The following CYP2C18 variants were observed in gnomAD, a reference collection of about 807,000 sequenced individuals.
The protein encoded by CYP2C18 is cytochrome P450 family 2 subfamily C member 18, also known as cytochrome P450 2C18.
In CYP2C18, 38 loss-of-function variants were observed where a neutral mutation model predicts 41.3. The observed-to-expected ratio is 0.92, with a 90% CI of 0.71 to 1.21. The LOEUF is 1.21. Among genes scored for constraint, CYP2C18 ranks in the 50% most tolerant of loss-of-function variants. The pLI is 0.00. For missense variants in CYP2C18, 635 were observed against 591.4 expected (o/e 1.07, Z -0.77); for synonymous variants, 236 against 210.0 (o/e 1.12, Z -1.07).
chr10:94,706,282 T>A (rs987489869), intron 4 of CYP2C18, among the ~76,000 whole-genome samples: 3 of 152,190 alleles, frequency 2.0e-5, no homozygotes, highest in African/African-American at 7.2e-5. Context: ...GTATGGGTAC[T>A]TATCCATAAA....
At chr10:94,705,103 A>G (rs1298946510) in intron 4 of CYP2C18, among the ~76,000 whole-genome samples, 1 of 152,194 alleles carries the variant, frequency 6.6e-6, no homozygotes. Flanking sequence ...ATCACTGCCA[A>G]GCTGATGAGG....
In CYP2C18 at chr10:94,688,283, C is replaced by CTTT; in HGVS notation, c.481+17_481+19dup. 6.8e-7 allele frequency: 1 copy of CTTT among 1,478,882 alleles called. No homozygotes were observed. The highest frequency in any genetic ancestry group is 9.1e-7 in the Non-Finnish European group (1 of 1,098,868). 91.6% of individuals were successfully genotyped at this position (1,478,882 alleles called of 1,614,324 possible). A position where few individuals can be genotyped will look rare whatever the true frequency, so the allele number is the denominator to read the frequency against. On this transcript the variant is annotated intron_variant, in intron 3 of 8. Coordinates refer to ENST00000285979, the MANE Select transcript of CYP2C18 (RefSeq NM_000772.3). ...GTTGAGAAAAACCAATGGTGGGTGA[C>CTTT]TTTTTTTTTTCCTGAAAAATGTTTT...
chr10:94,727,970 A>G (rs965635791), intron 7 of CYP2C18, among the ~76,000 whole-genome samples: 12 of 152,282 alleles, frequency 7.9e-5, no homozygotes, highest in Admixed American at 7.2e-4. Flanking sequence ...AGGAATTATT[A>G]TCAATACATT....
intron 3 of CYP2C18, among the ~76,000 whole-genome samples, chr10:94,691,789 G>A (rs965868415): frequency 1.2e-4 from 18 of 152,210 alleles, no homozygotes; most frequent in South Asian, 4.1e-4. Flanking sequence ...CAAGGCTACA[G>A]TAACCAAAAC....
At chr10:94,723,099 G>A (rs1847674362) in intron 6 of CYP2C18, among the ~76,000 whole-genome samples, 1 of 152,162 alleles carries the variant, frequency 6.6e-6, no homozygotes, top group African/African-American at 2.4e-5. Flanking sequence ...AATGGCATTA[G>A]AATTCTCAAG....
Position 94,735,298 on chromosome 10 carries a change from A to T in CYP2C18, c.1327A>T (p.Met443Leu). 2 of 1,613,662 alleles carry T rather than the reference A, an allele frequency of 1.2e-6. No homozygotes were observed. Among genetic ancestry groups the T allele is most frequent in the Non-Finnish European group, 1.7e-6 (2 of 1,179,708 alleles). Residue 443 changes from methionine (M) to leucine (L), a missense_variant, in exon 9 of 9, where the codon ATG becomes TTG. Physicochemically the swap from Met to Leu is conservative, Grantham distance 15. Coordinates refer to ENST00000285979, the MANE Select transcript of CYP2C18 (RefSeq NM_000772.3). ...GTGTATGGGAGAGGGCCTGGCCCGC[A>T]TGGAGCTGTTTTTATTCCTGACCAC... ...RMCMGEGLAR[M>L]ELFLFLTTIL...
Position 94,735,247 on chromosome 10 carries a change from T to A in CYP2C18, c.1292-16T>A, listed in dbSNP as rs767036051. 3.1e-6 allele frequency: 5 copies of A among 1,612,510 alleles called. No homozygotes were observed. In the South Asian group the frequency reaches 3.3e-5, roughly 11 times the overall value. ...TAATGTTCAAGGAACAAATCCCCTA[T>A]GTCTCTTATTTTCAGGAAAACGGAT... is the stretch of plus-strand genomic sequence containing the variant. On this transcript the variant is annotated splice_polypyrimidine_tract_variant and intron_variant, in intron 8 of 8. Coordinates refer to ENST00000285979, the MANE Select transcript of CYP2C18 (RefSeq NM_000772.3).
intron 4 of CYP2C18, among the ~76,000 whole-genome samples, chr10:94,706,160 C>T (rs1847339287): frequency 6.6e-6 from 1 of 152,116 alleles, no homozygotes; most frequent in South Asian, 2.1e-4. Context: ...GTGTATGAAC[C>T]ATTAAAAAAT....
intron 4 of CYP2C18, among the ~76,000 whole-genome samples, chr10:94,703,792 C>T (rs1219616049): frequency 6.6e-6 from 1 of 152,154 alleles, no homozygotes; most frequent in Non-Finnish European, 1.5e-5. Flanking sequence ...GAAAAAAAGA[C>T]TTTTGTAGCT....
At chr10:94,724,988 G>T (rs954448440) in intron 7 of CYP2C18, among the ~76,000 whole-genome samples, 1 of 150,744 alleles carries the variant, frequency 6.6e-6, no homozygotes, top group South Asian at 2.1e-4. Flanking sequence ...GTAATGTTTT[G>T]TCTTCAGTTC....
chr10:94,727,981 A>T (rs1847771923), intron 7 of CYP2C18, among the ~76,000 whole-genome samples: 1 of 152,176 alleles, frequency 6.6e-6, no homozygotes, highest in Non-Finnish European at 1.5e-5. Flanking sequence ...TCAATACATT[A>T]ATATTATCTA....
intron 5 of CYP2C18, among the ~76,000 whole-genome samples, chr10:94,717,528 G>A (rs1442886290): frequency 6.6e-6 from 1 of 152,098 alleles, no homozygotes; most frequent in African/African-American, 2.4e-5. Flanking sequence ...CTTCTGGCTT[G>A]TATTGCCCAG....
chr10:94,715,079 G>C (rs1028584670), intron 5 of CYP2C18, among the ~76,000 whole-genome samples: 1 of 152,170 alleles, frequency 6.6e-6, no homozygotes, highest in Non-Finnish European at 1.5e-5. Flanking sequence ...GAGATTTTGG[G>C]CTGAGGCAAT....
chr10:94,721,702 A>G (rs1419933696), intron 6 of CYP2C18, among the ~76,000 whole-genome samples: 3 of 152,096 alleles, frequency 2.0e-5, no homozygotes, highest in African/African-American at 7.2e-5. Flanking sequence ...ATAAGTGAGA[A>G]CATGTGGTTT....
At chr10:94,729,318 A>C (rs1186388136) in intron 7 of CYP2C18, among the ~76,000 whole-genome samples, 3 of 152,164 alleles carry the variant, frequency 2.0e-5, no homozygotes, top group Non-Finnish European at 4.4e-5. Context: ...GACTTTTTAA[A>C]ATACCTGGCC....
chr10:94,690,474 A>G (rs987297872), intron 3 of CYP2C18, among the ~76,000 whole-genome samples: 1 of 152,214 alleles, frequency 6.6e-6, no homozygotes, highest in Non-Finnish European at 1.5e-5. Context: ...CTCTCCCAAG[A>G]CTAAACCAGG....
intron 4 of CYP2C18, among the ~76,000 whole-genome samples, chr10:94,702,123 C>T (rs1002017701): frequency 1.3e-5 from 2 of 152,184 alleles, no homozygotes; most frequent in Admixed American, 1.3e-4. Context: ...TAATGGGCTT[C>T]CCTTTGTGGG....
intron 5 of CYP2C18, among the ~76,000 whole-genome samples, chr10:94,715,811 C>A (rs1847531031): frequency 2.0e-5 from 3 of 146,446 alleles, no homozygotes; most frequent in Admixed American, 2.0e-4. Flanking sequence ...CCATCTGGTC[C>A]TGGACTTTTT....
chr10:94,723,218 T>C (rs1847676389), intron 6 of CYP2C18, among the ~76,000 whole-genome samples: 1 of 152,102 alleles, frequency 6.6e-6, no homozygotes, highest in Non-Finnish European at 1.5e-5. Flanking sequence ...CTAGAGAATA[T>C]TTTCCATCCA....
Sources: allele counts gnomAD v4.1 joint callset (sites outside exome capture counted in the v4.1 genomes callset), GRCh38; gene constraint gnomAD v4.1.1; transcripts MANE v1.5; gene names NCBI Gene and HGNC (gene_info 2026-07-23, HGNC 2026-07-21).